KIAA1549: variants seen among roughly 807,000 people sequenced by gnomAD.
The protein encoded by KIAA1549 is KIAA1549, also known as UPF0606 protein KIAA1549.
A neutral mutation model predicts 156.4 loss-of-function variants in KIAA1549; 70 were observed. The ratio of observed to expected loss-of-function variants is 0.45; its 90% CI spans 0.37 to 0.55. KIAA1549 has a LOEUF of 0.55. KIAA1549 is among the 20% of genes least tolerant of loss of function. The probability of loss-of-function intolerance (pLI) is 0.00; values close to 1 mark genes in which losing one functional copy is unlikely to be tolerated. For missense variants in KIAA1549, 2,428 were observed against 2,540.9 expected (o/e 0.96, Z 0.96); for synonymous variants, 1,103 against 1,066.4 (o/e 1.03, Z -0.67).
chr7:138,832,505 C>T lies in KIAA1549; in HGVS notation c.*5401G>A, dbSNP rs1318581740. 2.0e-5 allele frequency: 4 copies of T among 197,812 alleles called. No homozygotes were observed. The highest frequency in any genetic ancestry group is 4.2e-5 in the Non-Finnish European group (4 of 95,566). 12.3% of individuals were successfully genotyped at this position (197,812 alleles called of 1,614,324 possible). On this transcript the variant is annotated 3_prime_UTR_variant, in exon 20 of 20. Transcript: ENST00000422774. ...TGAGCCACCATGCCCAGCCTATTCA[C>T]TCTTTCTTTAGAAATGTGAAGTGAC...
chr7:138,875,971 GTT>G (rs1268886963), intron 12 of KIAA1549, among the ~76,000 whole-genome samples: 1 of 144,644 alleles, frequency 6.9e-6, no homozygotes. Flanking sequence ...AATTTTTTCT[GTT>G]TTTTTTTTTG....
chr7:138,908,983 A>T lies in KIAA1549; in HGVS notation c.3276+8T>A, dbSNP rs755351398. 1 of 1,613,900 alleles carries T rather than the reference A, an allele frequency of 6.2e-7. No homozygotes were observed. The highest frequency in any genetic ancestry group is 2.2e-5 in the East Asian group (1 of 44,880). On this transcript the variant is annotated splice_region_variant and intron_variant, in intron 5 of 19. Transcript: ENST00000422774. ...AGCCTTCTGCTCTGCATTCAGTGAT[A>T]TTCTCACCTGCACCGTGAGGTTATA... is the stretch of plus-strand genomic sequence containing the variant.
chr7:138,938,263 A>G (rs1813076765), intron 1 of KIAA1549, among the ~76,000 whole-genome samples: 1 of 152,166 alleles, frequency 6.6e-6, no homozygotes, highest in Non-Finnish European at 1.5e-5. Flanking sequence ...ATAATTTTCT[A>G]TTGTCTATAA....
chr7:138,912,245 G>A (rs556345161), intron 3 of KIAA1549, 127 bp downstream of exon 3: 2 of 735,116 alleles, frequency 2.7e-6, no homozygotes, highest in Non-Finnish European at 4.8e-6. Context: ...GACTTAACCA[G>A]GAACAGACAA....
chr7:138,870,176 C>T (rs1810885974), intron 13 of KIAA1549, among the ~76,000 whole-genome samples: 1 of 152,036 alleles, frequency 6.6e-6, no homozygotes, highest in Non-Finnish European at 1.5e-5. Flanking sequence ...GAGCGCCTTC[C>T]TGCTATGCTC....
Position 138,981,207 on chromosome 7 carries a change from G to T in KIAA1549, c.63C>A (p.Val21=). 9.7e-7 allele frequency: 1 copy of T among 1,028,916 alleles called. No individual in the cohort carries two copies. The highest frequency in any genetic ancestry group is 4.5e-5 in the South Asian group (1 of 22,456). 63.7% of individuals were successfully genotyped at this position (1,028,916 alleles called of 1,614,324 possible). A position where few individuals can be genotyped will look rare whatever the true frequency, so the allele number is the denominator to read the frequency against. Residue 21 remains valine, a synonymous_variant, in exon 1 of 20, where the codon GTC becomes GTA. Transcript: ENST00000422774. This position sits in a 1 kb window ranked among gnomAD's most constrained non-coding sequence, Gnocchi z 4.5. ...AAMEGKPRAG[V]ALAPGPSGRR... ...GGCCGCTCGGCCCCGGGGCCAGCGC[G>T]ACCCCGGCGCGGGGCTTCCCCTCCA... is the stretch of plus-strand genomic sequence containing the variant.
chr7:138,930,763 G>A (rs1387781557), intron 1 of KIAA1549, among the ~76,000 whole-genome samples: 2 of 152,236 alleles, frequency 1.3e-5, no homozygotes. Flanking sequence ...CAGCAACAAG[G>A]CTGTTTTGCT....
intron 10 of KIAA1549, among the ~76,000 whole-genome samples, chr7:138,887,577 C>G (rs1366941879): frequency 5.9e-5 from 9 of 152,174 alleles, no homozygotes; most frequent in Admixed American, 5.2e-4. Context: ...CTGGCTCCCC[C>G]TCCCACCTTC....
chr7:138,850,303 A>G (rs921164612), intron 17 of KIAA1549, among the ~76,000 whole-genome samples: 1 of 152,132 alleles, frequency 6.6e-6, no homozygotes, highest in Non-Finnish European at 1.5e-5. Context: ...CAGTTGAACT[A>G]ATTGACACTC....
At chr7:138,839,552 G>A (rs751923491) in intron 19 of KIAA1549, among the ~76,000 whole-genome samples, 8 of 151,980 alleles carry the variant, frequency 5.3e-5, no homozygotes, top group African/African-American at 9.7e-5. Context: ...CAGCAATCCC[G>A]CCAAACATGA....
chr7:138,886,500 C>G (rs1246963198), intron 10 of KIAA1549, among the ~76,000 whole-genome samples: 1 of 152,154 alleles, frequency 6.6e-6, no homozygotes, highest in Non-Finnish European at 1.5e-5. Flanking sequence ...TGATCTGGAA[C>G]TGCAGGGCTC....
At chr7:138,886,957 A>G (rs1003286842) in intron 10 of KIAA1549, among the ~76,000 whole-genome samples, 1 of 152,056 alleles carries the variant, frequency 6.6e-6, no homozygotes, top group African/African-American at 2.4e-5. Flanking sequence ...GCTGGAATAC[A>G]ATGGTATGAT....
intron 17 of KIAA1549, among the ~76,000 whole-genome samples, chr7:138,849,610 T>C (rs1057064039): frequency 6.6e-6 from 1 of 152,062 alleles, no homozygotes; most frequent in Non-Finnish European, 1.5e-5. Context: ...GTTTGTTATA[T>C]AGGTAAACTC....
At chr7:138,937,127 C>T (rs1402943662) in intron 1 of KIAA1549, among the ~76,000 whole-genome samples, 2 of 152,126 alleles carry the variant, frequency 1.3e-5, no homozygotes, top group African/African-American at 4.8e-5. Context: ...ATTAGTATTA[C>T]CCTCCCCTAC....
chr7:138,860,732 A>G (rs1810546191), intron 16 of KIAA1549, among the ~76,000 whole-genome samples: 1 of 152,206 alleles, frequency 6.6e-6, no homozygotes, highest in African/African-American at 2.4e-5. Flanking sequence ...GTACCAGGTG[A>G]CCATACAAGA....
intron 9 of KIAA1549, among the ~76,000 whole-genome samples, 164 bp downstream of exon 9, chr7:138,898,791 T>C (rs1811759693): frequency 6.6e-6 from 1 of 152,072 alleles, no homozygotes; most frequent in Admixed American, 6.5e-5. Context: ...GCAATTGAAA[T>C]CCAAATAAAG....
intron 1 of KIAA1549, among the ~76,000 whole-genome samples, chr7:138,922,926 G>A (rs1465030018): frequency 1.3e-5 from 2 of 151,612 alleles, no homozygotes; most frequent in Non-Finnish European, 2.9e-5. Flanking sequence ...ATGCAATTCA[G>A]AAAGACCAAA....
chr7:138,891,222 A>T (rs1278760711), intron 10 of KIAA1549, among the ~76,000 whole-genome samples: 5 of 152,240 alleles, frequency 3.3e-5, no homozygotes, highest in African/African-American at 9.6e-5. Context: ...GCAAATGCTC[A>T]ATGTTTGGTG....
intron 1 of KIAA1549, among the ~76,000 whole-genome samples, chr7:138,954,216 G>T (rs1813590796): frequency 6.6e-6 from 1 of 152,128 alleles, no homozygotes; most frequent in Admixed American, 6.5e-5. Context: ...TAATTCTATT[G>T]GTAAAAATAA....
Sources: allele counts gnomAD v4.1 joint callset (sites outside exome capture counted in the v4.1 genomes callset), GRCh38; gene constraint gnomAD v4.1.1; non-coding constraint Gnocchi (gnomAD v3.1); transcripts MANE v1.5; gene names NCBI Gene and HGNC (gene_info 2026-07-23, HGNC 2026-07-21).